SORCS1: variants seen among roughly 807,000 people sequenced by gnomAD.
The protein encoded by SORCS1 is sortilin related VPS10 domain containing receptor 1, also known as VPS10 domain-containing receptor SorCS1.
A neutral mutation model predicts 146.1 loss-of-function variants in SORCS1; 60 were observed. The ratio of observed to expected loss-of-function variants is 0.41; its 90% CI spans 0.33 to 0.51. SORCS1 has a LOEUF of 0.51. Ranked by LOEUF, SORCS1 falls within the 20% of genes least tolerant of loss-of-function variation. The pLI is 0.21. For missense variants in SORCS1, 1,352 were observed against 1,487.6 expected (o/e 0.91, Z 1.50); for synonymous variants, 637 against 584.0 (o/e 1.09, Z -1.31).
intron 1 of SORCS1, among the ~76,000 whole-genome samples, chr10:107,058,000 A>G (rs1214642903): frequency 6.6e-6 from 1 of 152,130 alleles, no homozygotes; most frequent in African/African-American, 2.4e-5. Flanking sequence ...GCCTTGTTTT[A>G]AAGATATGTA....
chr10:106,962,895 A>G (rs1274543831), intron 1 of SORCS1, among the ~76,000 whole-genome samples: 3 of 152,094 alleles, frequency 2.0e-5, no homozygotes, highest in Admixed American at 6.6e-5. Flanking sequence ...ATCTTACAGC[A>G]GGCCTTAGTG....
At chr10:107,049,947 C>T (rs1959948322) in intron 1 of SORCS1, among the ~76,000 whole-genome samples, 1 of 152,130 alleles carries the variant, frequency 6.6e-6, no homozygotes, top group Non-Finnish European at 1.5e-5. Context: ...CGTAATATAT[C>T]TCAGCTTAGA....
At chr10:106,980,344 G>T (rs1206619705) in intron 1 of SORCS1, among the ~76,000 whole-genome samples, 1 of 152,194 alleles carries the variant, frequency 6.6e-6, no homozygotes, top group East Asian at 1.9e-4. Context: ...ACTGGTAACA[G>T]TAAAAACCAG....
intron 1 of SORCS1, among the ~76,000 whole-genome samples, chr10:107,009,952 A>G (rs1957624752): frequency 1.3e-5 from 2 of 152,220 alleles, no homozygotes; most frequent in Admixed American, 1.3e-4. Flanking sequence ...CAGTATGGAA[A>G]GAAGACTAGT....
chr10:107,171,650 G>A, the SORCS1 span, among the ~76,000 whole-genome samples: 1 of 150,800 alleles, frequency 6.6e-6, no homozygotes, highest in Non-Finnish European at 1.5e-5. Flanking sequence ...CCAGGTATCT[G>A]GGATTACAGG....
rs148159448 is a variant in SORCS1 at position 106,575,265 on chromosome 10, G to C, written c.*2155C>G. 1 of 152,536 alleles carries C rather than the reference G, an allele frequency of 6.6e-6. No individual in the cohort carries two copies. Among genetic ancestry groups the C allele is most frequent in the African/African-American group, 2.4e-5 (1 of 41,560 alleles). 9.4% of individuals were successfully genotyped at this position (152,536 alleles called of 1,614,324 possible). A position where few individuals can be genotyped will look rare whatever the true frequency, so the allele number is the denominator to read the frequency against. ...TGCCTCAGGCCTAGCCCATTTCCCA[G>C]ATTCATATGGGGTATCCTCAACCAT... is the stretch of plus-strand genomic sequence containing the variant. On this transcript the variant is annotated 3_prime_UTR_variant, in exon 26 of 26. Coordinates refer to ENST00000263054, the MANE Select transcript of SORCS1 (RefSeq NM_052918.5).
intron 1 of SORCS1, among the ~76,000 whole-genome samples, chr10:106,979,773 G>T (rs1475766999): frequency 6.6e-6 from 1 of 152,252 alleles, no homozygotes; most frequent in African/African-American, 2.4e-5. Flanking sequence ...TGATTTCAAT[G>T]AATACGCTAT....
chr10:106,615,820 C>T (rs1847323765), intron 21 of SORCS1, among the ~76,000 whole-genome samples: 1 of 152,038 alleles, frequency 6.6e-6, no homozygotes, highest in Admixed American at 6.6e-5. Context: ...TGGGTGATAC[C>T]TGTAAAGAAA....
the SORCS1 span, among the ~76,000 whole-genome samples, chr10:107,174,351 G>T: frequency 6.6e-6 from 1 of 151,898 alleles, no homozygotes; most frequent in Non-Finnish European, 1.5e-5. Context: ...GACTACAGGC[G>T]CCCGCCACCA....
chr10:107,073,262 T>A (rs1411903951), intron 1 of SORCS1, among the ~76,000 whole-genome samples: 3 of 152,262 alleles, frequency 2.0e-5, no homozygotes, highest in Admixed American at 6.5e-5. Context: ...TTCCGCTGAC[T>A]TTTACAATAC....
intron 5 of SORCS1, among the ~76,000 whole-genome samples, chr10:106,751,528 T>C (rs1858239264): frequency 6.6e-6 from 1 of 152,132 alleles, no homozygotes; most frequent in Non-Finnish European, 1.5e-5. Context: ...TCTTTCTGTT[T>C]TTGCTTGAAT....
At chr10:106,793,804 A>G (rs534747863) in intron 3 of SORCS1, among the ~76,000 whole-genome samples, 1 of 152,214 alleles carries the variant, frequency 6.6e-6, no homozygotes, top group Non-Finnish European at 1.5e-5. Context: ...AAAACACACT[A>G]CTTATAAAGC....
At chr10:106,962,579 T>A (rs1301931142) in intron 1 of SORCS1, among the ~76,000 whole-genome samples, 1 of 152,134 alleles carries the variant, frequency 6.6e-6, no homozygotes, top group East Asian at 1.9e-4. Context: ...TCCCAAAATG[T>A]CTTCCATTCC....
chr10:107,113,547 C>T (rs1376909328), intron 1 of SORCS1, among the ~76,000 whole-genome samples: 4 of 151,518 alleles, frequency 2.6e-5, no homozygotes, highest in South Asian at 2.1e-4. Flanking sequence ...AAAATTAGCC[C>T]GGCAAGGTGG....
At chr10:106,803,649 G>C (rs1244423063) in intron 3 of SORCS1, among the ~76,000 whole-genome samples, 1 of 152,142 alleles carries the variant, frequency 6.6e-6, no homozygotes, top group Non-Finnish European at 1.5e-5. Flanking sequence ...TGTCTCTCCA[G>C]CTTATATATT....
intron 17 of SORCS1, among the ~76,000 whole-genome samples, chr10:106,657,567 T>G (rs1285933753): frequency 1.3e-5 from 2 of 151,702 alleles, no homozygotes; most frequent in Non-Finnish European, 2.9e-5. Context: ...ACACAATCCA[T>G]CCATGTAACC....
chr10:107,126,135 C>T (rs544205911), intron 1 of SORCS1, among the ~76,000 whole-genome samples: 4 of 152,256 alleles, frequency 2.6e-5, no homozygotes, highest in Non-Finnish European at 4.4e-5. Context: ...GCTTTGGAAG[C>T]GTCCCTTGAG....
chr10:107,098,607 A>G (rs534886350), intron 1 of SORCS1, among the ~76,000 whole-genome samples: 1 of 152,334 alleles, frequency 6.6e-6, no homozygotes, highest in Non-Finnish European at 1.5e-5. Context: ...TAAAGATGAC[A>G]CTATTTTATA....
chr10:106,808,137 G>A (rs754954791), intron 3 of SORCS1, among the ~76,000 whole-genome samples: 10 of 151,920 alleles, frequency 6.6e-5, no homozygotes, highest in Admixed American at 3.3e-4. Flanking sequence ...CTCCTGCCTC[G>A]GCCTCCCGAG....
Sources: gnomAD v4.1 joint callset for allele counts (sites outside exome capture counted in the v4.1 genomes callset) on GRCh38, gnomAD v4.1.1 for gene constraint, MANE v1.5 for transcripts, NCBI Gene and HGNC (gene_info 2026-07-23, HGNC 2026-07-21) for gene names.